Variants in ABCD3 observed in about 807,000 individuals in gnomAD.
ABCD3 encodes the protein ATP binding cassette subfamily D member 3, also known as ATP-binding cassette sub-family D member 3.
ABCD3 carries 41 observed loss-of-function variants against 105.5 expected under a neutral mutation model. The ratio of observed to expected loss-of-function variants is 0.39; its 90% CI spans 0.30 to 0.50. The LOEUF is 0.50. Ranked by LOEUF, ABCD3 falls within the 20% of genes least tolerant of loss-of-function variation. The pLI is 0.84. For synonymous variants in ABCD3, 258 were observed against 269.0 expected (o/e 0.96, Z 0.40); for missense variants, 622 against 806.3 (o/e 0.77, Z 2.77).
At position 94,510,145 on chromosome 1, in the gene ABCD3, C is replaced by T. The variant is rs571306368; in HGVS notation, c.1845+3503C>T. ...GGCATTTAGTGCTATAAATTTCCCT[C>T]TACACACTGCTTTGAATGCGTCCCA... On this transcript the variant is annotated intron_variant, in intron 21 of 22. Coordinates refer to ENST00000370214, the MANE Select transcript of ABCD3 (RefSeq NM_002858.4). Among the ~76,000 whole-genome samples, 48 of 152,244 alleles carry T rather than the reference C, an allele frequency of 3.2e-4. No homozygotes were observed. The South Asian group carries it at 9.8e-3, about 31-fold the overall frequency.
At chr1:94,456,255 A>ATTTTT (rs71094301) in intron 1 of ABCD3, among the ~76,000 whole-genome samples, 1 of 44,892 alleles carries the variant, frequency 2.2e-5, no homozygotes, top group Non-Finnish European at 4.0e-5. Context: ...AAATGACAGA[A>ATTTTT]TTTTTTTTTT....
intron 20 of ABCD3, among the ~76,000 whole-genome samples, chr1:94,500,095 A>G (rs929285083): frequency 3.9e-5 from 6 of 152,114 alleles, no homozygotes; most frequent in Admixed American, 1.3e-4. Flanking sequence ...TTTTGTTTCA[A>G]GGTTCAGTAT....
Position 94,480,613 on chromosome 1 carries a change from A to T in ABCD3, c.827+7A>T. On this transcript the variant is annotated splice_region_variant and intron_variant, in intron 9 of 22. Coordinates refer to ENST00000370214, the MANE Select transcript of ABCD3 (RefSeq NM_002858.4). ...CTCGGCTCATCACAAACAGGTAAAGACAAATGCATTAAAGCCTTGCTAAAA... is the reference window on the plus strand; with the variant it reads ...CTCGGCTCATCACAAACAGGTAAAGTCAAATGCATTAAAGCCTTGCTAAAA... 2 of 1,613,582 alleles carry T rather than the reference A, an allele frequency of 1.2e-6. No individual in the cohort carries two copies. The highest frequency in any genetic ancestry group is 1.7e-6 in the Non-Finnish European group (2 of 1,179,632).
At chr1:94,512,251 CTTTTTCCTT>C (rs1650710933) in intron 21 of ABCD3, among the ~76,000 whole-genome samples, 1 of 152,084 alleles carries the variant, frequency 6.6e-6, no homozygotes, top group African/African-American at 2.4e-5. Flanking sequence ...TCTTTCCTCC[CTTTTTCCTT>C]TTTTTCCTTC....
intron 4 of ABCD3, among the ~76,000 whole-genome samples, chr1:94,468,452 C>T (rs2100982448): frequency 6.6e-6 from 1 of 152,316 alleles, no homozygotes; most frequent in Non-Finnish European, 1.5e-5. Flanking sequence ...TTTCTTTCTG[C>T]ATCTGGTGAT....
chr1:94,403,876 GTA>G, the ABCD3 span, among the ~76,000 whole-genome samples: 1 of 152,120 alleles, frequency 6.6e-6, no homozygotes, highest in Non-Finnish European at 1.5e-5. Flanking sequence ...CCTTTTAGTG[GTA>G]AATGGTGTTA....
intron 1 of ABCD3, among the ~76,000 whole-genome samples, chr1:94,425,798 C>G (rs533370135): frequency 6.6e-6 from 1 of 152,142 alleles, no homozygotes. Flanking sequence ...CAAAAATGAA[C>G]ATTTTTTTGT....
intron 1 of ABCD3, among the ~76,000 whole-genome samples, chr1:94,457,288 TA>T (rs1647622976): frequency 6.6e-6 from 1 of 152,242 alleles, no homozygotes; most frequent in African/African-American, 2.4e-5. Context: ...ATATTTAAAA[TA>T]TCGTATAATA....
intron 7 of ABCD3, among the ~76,000 whole-genome samples, chr1:94,476,480 C>G (rs1189535565): frequency 6.6e-6 from 1 of 152,190 alleles, no homozygotes; most frequent in South Asian, 2.1e-4. Flanking sequence ...AGTTCCCACT[C>G]TAACTCATGT....
intron 1 of ABCD3, among the ~76,000 whole-genome samples, chr1:94,445,901 T>C (rs1294988106): frequency 6.6e-6 from 1 of 152,154 alleles, no homozygotes; most frequent in Non-Finnish European, 1.5e-5. Context: ...TAGTTGATTA[T>C]ATCAAGGCCT....
the ABCD3 span, among the ~76,000 whole-genome samples, chr1:94,385,399 A>C: frequency 1.2e-5 from 1 of 84,254 alleles, no homozygotes; most frequent in Admixed American, 1.1e-4. Flanking sequence ...AGAGAGAGCA[A>C]GCTGAGAAAA....
chr1:94,413,773 A>T (rs1353218042), upstream of ABCD3, among the ~76,000 whole-genome samples: 1 of 152,174 alleles, frequency 6.6e-6, no homozygotes, highest in Non-Finnish European at 1.5e-5. Flanking sequence ...CAGAGAAATG[A>T]TTGGCAGGTC....
chr1:94,496,694 G>GGTTT (rs1302104709), intron 16 of ABCD3, among the ~76,000 whole-genome samples: 32 of 39,370 alleles, frequency 8.1e-4, no homozygotes, highest in Non-Finnish European at 1.3e-3. Flanking sequence ...CCTTGTTTCT[G>GGTTT]TTTTTTTTTT....
At chr1:94,385,732 T>G in the ABCD3 span, among the ~76,000 whole-genome samples, 1 of 152,204 alleles carries the variant, frequency 6.6e-6, no homozygotes, top group South Asian at 2.1e-4. Context: ...TCTTAATCAT[T>G]ACCCATAGCT....
chr1:94,459,399 TG>T (rs2100963034), intron 2 of ABCD3, among the ~76,000 whole-genome samples: 1 of 152,310 alleles, frequency 6.6e-6, no homozygotes, highest in Non-Finnish European at 1.5e-5. Flanking sequence ...TAGAATGGAA[TG>T]TAGTTGTCCA....
chr1:94,482,446 C>T (rs528160091), intron 9 of ABCD3: 24 of 152,296 alleles, frequency 1.6e-4, no homozygotes, highest in African/African-American at 5.8e-4. Flanking sequence ...TTACATCATT[C>T]CTGTGTAATA....
intron 1 of ABCD3, among the ~76,000 whole-genome samples, chr1:94,439,515 G>A (rs980676795): frequency 6.6e-6 from 1 of 152,104 alleles, no homozygotes; most frequent in Non-Finnish European, 1.5e-5. Flanking sequence ...GGTGGCATGT[G>A]CATGTGGTCC....
At chr1:94,470,647 A>G (rs1178077062) in intron 4 of ABCD3, among the ~76,000 whole-genome samples, 2 of 151,640 alleles carry the variant, frequency 1.3e-5, no homozygotes, top group Admixed American at 6.6e-5. Flanking sequence ...CATTTGAGAA[A>G]TTTTCTTGTG....
At chr1:94,451,400 A>T (rs1421131629) in intron 1 of ABCD3, among the ~76,000 whole-genome samples, 1 of 152,182 alleles carries the variant, frequency 6.6e-6, no homozygotes, top group African/African-American at 2.4e-5. Context: ...TTTACTTTTA[A>T]GAGCAAAGTT....
Sources: allele counts gnomAD v4.1 joint callset (sites outside exome capture counted in the v4.1 genomes callset), GRCh38; gene constraint gnomAD v4.1.1; transcripts MANE v1.5; gene names NCBI Gene and HGNC (gene_info 2026-07-23, HGNC 2026-07-21).